The following DNAH8 variants were observed in gnomAD, a reference collection of about 807,000 sequenced individuals.
DNAH8 encodes the protein axonemal beta dynein heavy chain 8.
A neutral mutation model predicts 562.1 loss-of-function variants in DNAH8; 382 were observed. The ratio of observed to expected loss-of-function variants is 0.68; its 90% CI spans 0.63 to 0.74. The LOEUF (loss-of-function observed/expected upper bound fraction) is 0.74. Ranked by LOEUF, DNAH8 falls within the 30% of genes least tolerant of loss-of-function variation. The pLI, the probability that DNAH8 is intolerant of heterozygous loss-of-function variation, is 0.00. For synonymous variants in DNAH8, 1,881 were observed against 1,919.4 expected, an observed-to-expected ratio of 0.98 and a Z score of 0.52; for missense variants, 5,203 against 5,620.4, an observed-to-expected ratio of 0.93 and a Z score of 2.37.
At chr6:38,978,658 G>A (rs956493085) in intron 85 of DNAH8, among the ~76,000 whole-genome samples, 1 of 152,160 alleles carries the variant, frequency 6.6e-6, no homozygotes, top group African/African-American at 2.4e-5. Context: ...GTTAACTCCA[G>A]TTGTCTGGTT....
intron 32 of DNAH8, among the ~76,000 whole-genome samples, chr6:38,836,513 T>A: frequency 4.8e-5 from 5 of 104,710 alleles, no homozygotes; most frequent in Non-Finnish European, 8.2e-5. Flanking sequence ...AAAAAAACCA[T>A]CTCAAAAAAA....
Position 38,973,645 on chromosome 6 carries a change from T to G in DNAH8, c.12526-16T>G. The G allele has an allele frequency of 1.2e-5, 18 of 1,551,124 alleles. No homozygotes were observed. Among genetic ancestry groups the G allele is most frequent in the Non-Finnish European group, 1.5e-5 (17 of 1,154,888 alleles). On this transcript the variant is annotated splice_polypyrimidine_tract_variant and intron_variant, in intron 83 of 92. Transcript: ENST00000327475. ...AAGGTTACAAGAAATAAATATGAAC[T>G]TATTTTTGGATACAGGGTGGTTGGG...
intron 67 of DNAH8, among the ~76,000 whole-genome samples, chr6:38,914,895 T>C (rs1048528570): frequency 2.6e-5 from 4 of 152,174 alleles, no homozygotes; most frequent in African/African-American, 9.7e-5. Flanking sequence ...TATTCTATGA[T>C]ACTTACTTGA....
intron 88 of DNAH8, among the ~76,000 whole-genome samples, chr6:39,003,366 C>G (rs886758343): frequency 6.6e-6 from 1 of 152,196 alleles, no homozygotes; most frequent in East Asian, 1.9e-4. Context: ...TTCTTGACAA[C>G]TGTGATGGGC....
rs751009277 is a variant in DNAH8 at position 38,822,953 on chromosome 6, A to G, written c.3639A>G (p.Leu1213=). 1.9e-6 allele frequency: 3 copies of G among 1,613,692 alleles called. No individual in the cohort carries two copies. The highest frequency in any genetic ancestry group is 8.5e-7 in the Non-Finnish European group (1 of 1,179,842). ...TCCTTTCTTCCTCTGTAAATTCCCTAAGAAAGGCAGCTCATGAGGCCCTGC... is the reference window on the plus strand; with the variant it reads ...TCCTTTCTTCCTCTGTAAATTCCCTGAGAAAGGCAGCTCATGAGGCCCTGC... ...VLLLSSSVNS[L]RKAAHEALQD... is the part of the protein sequence containing the mutation. Residue 1213 remains leucine, a synonymous_variant, in exon 27 of 93, where the codon CTA becomes CTG. Transcript: ENST00000327475.
chr6:38,909,781 C>A (rs1424297321), intron 65 of DNAH8, 37 bp downstream of exon 65: 1 of 1,513,076 alleles, frequency 6.6e-7, no homozygotes, highest in Admixed American at 1.7e-5. Flanking sequence ...GCTATGGAAC[C>A]ACAGCATGTA....
In DNAH8 at chr6:38,991,168, C is replaced by T. The variant is rs540667868; in HGVS notation, c.13214+996C>T. On this transcript the variant is annotated intron_variant, in intron 88 of 92. Coordinates refer to ENST00000327475, the MANE Select transcript of DNAH8 (RefSeq NM_001206927.2). The stretch of plus-strand genomic sequence containing the variant: ...CCGCCTCTGACCACCCTCCTAGCTC[C>T]CTGCATGAGGATGCACTTTTGGCCT... Among the ~76,000 whole-genome samples, 5 of 152,354 alleles carry T rather than the reference C, an allele frequency of 3.3e-5. No homozygotes were observed. The East Asian group carries it at 9.6e-4, about 29-fold the overall frequency.
intron 57 of DNAH8, among the ~76,000 whole-genome samples, chr6:38,889,596 C>G (rs1163406141): frequency 6.6e-6 from 1 of 152,174 alleles, no homozygotes; most frequent in Non-Finnish European, 1.5e-5. Flanking sequence ...AGAAACTGAG[C>G]CTCAGAGAAG....
At chr6:38,840,277 G>A (rs1042791190) in intron 33 of DNAH8, among the ~76,000 whole-genome samples, 1 of 152,154 alleles carries the variant, frequency 6.6e-6, no homozygotes, top group Non-Finnish European at 1.5e-5. Flanking sequence ...ACTGTCATCT[G>A]TTTTGCTTCA....
chr6:38,973,246 T>A (rs1380640856), intron 83 of DNAH8, among the ~76,000 whole-genome samples: 1 of 152,220 alleles, frequency 6.6e-6, no homozygotes, highest in Non-Finnish European at 1.5e-5. Context: ...ATCATGTGTA[T>A]CTTTCTTTGT....
chr6:39,028,314 C>T (rs75441673), intron 92 of DNAH8, among the ~76,000 whole-genome samples: 2,222 of 152,266 alleles, frequency 0.015, 33 homozygotes, highest in South Asian at 0.031. Flanking sequence ...GAGATCTATT[C>T]TCTCATTGCT....
At chr6:38,891,946 C>T (rs921078132) in intron 58 of DNAH8, among the ~76,000 whole-genome samples, 3 of 152,182 alleles carry the variant, frequency 2.0e-5, no homozygotes, top group Non-Finnish European at 4.4e-5. Flanking sequence ...GATCTTGCCA[C>T]ATCTCAAGGT....
chr6:38,808,633 A>G (rs575794750), intron 24 of DNAH8, among the ~76,000 whole-genome samples: 1 of 152,354 alleles, frequency 6.6e-6, no homozygotes, highest in African/African-American at 2.4e-5. Context: ...ATAAAGACAT[A>G]TGCACACGTA....
In DNAH8 at chr6:38,834,028, G is replaced by A. The variant is rs573327349; in HGVS notation, c.4303-551G>A. 5.4e-4 allele frequency among the ~76,000 whole-genome samples: 82 copies of A among 152,160 alleles called. No homozygotes were observed. In the South Asian group the frequency reaches 1.0e-2, roughly 18 times the overall value. On this transcript the variant is annotated intron_variant, in intron 31 of 92. Transcript: ENST00000327475. The stretch of plus-strand genomic sequence containing the variant: ...AGGATTATTTTGCAACTGTGTTCTG[G>A]TTCATAGCCACCAGACACTGCTTTC...
At chr6:38,738,278 T>G (rs934574293) in intron 7 of DNAH8, among the ~76,000 whole-genome samples, 7 of 152,202 alleles carry the variant, frequency 4.6e-5, no homozygotes, top group African/African-American at 1.7e-4. Context: ...GTTGATACTC[T>G]CCATAAAAGA....
intron 61 of DNAH8, among the ~76,000 whole-genome samples, chr6:38,898,662 A>G (rs1053236179): frequency 6.6e-6 from 1 of 152,208 alleles, no homozygotes; most frequent in Non-Finnish European, 1.5e-5. Context: ...GAGAACCTTT[A>G]GAAAGTATGG....
intron 11 of DNAH8, among the ~76,000 whole-genome samples, chr6:38,765,933 T>A (rs372052088): frequency 9.2e-5 from 14 of 152,128 alleles, no homozygotes; most frequent in African/African-American, 3.1e-4. Flanking sequence ...AAAATAGAAC[T>A]ACCATATGAT....
At chr6:39,004,850 G>A (rs1381284330) in intron 88 of DNAH8, among the ~76,000 whole-genome samples, 1 of 152,154 alleles carries the variant, frequency 6.6e-6, no homozygotes, top group Non-Finnish European at 1.5e-5. Context: ...CCATGTTGTA[G>A]CGTATATTAA....
Position 38,783,016 on chromosome 6 carries a change from A to G in DNAH8, c.2272A>G (p.Ile758Val), listed in dbSNP as rs2127642546. 6.2e-7 allele frequency: 1 copy of G among 1,611,296 alleles called. No individual in the cohort carries two copies. Among genetic ancestry groups the G allele is most frequent in the Non-Finnish European group, 8.5e-7 (1 of 1,179,292 alleles). The change falls in exon 17 of 93, where the codon ATT (isoleucine) becomes GTT (valine). Residue 758 changes from isoleucine (I) to valine (V), a missense_variant. Ile to Val is a conservative substitution (Grantham distance 29). This residue lies in a region of DNAH8 where 2,176 missense variants were observed against 2,365.1 expected (regional missense o/e 0.92). Transcript: ENST00000327475. ...CTTAAAAAAACAGAAAAACTCAGAC[A>G]TTTTATCAAGTCCGGACGGTAAAGC... is the stretch of plus-strand genomic sequence containing the variant. ...PINYFFKNSD[I>V]LSSPDGKAVI...
Sources: gnomAD v4.1 joint callset for allele counts (sites outside exome capture counted in the v4.1 genomes callset) on GRCh38, gnomAD v4.1.1 for gene constraint, gnomAD v4.1.1 regional missense constraint, MANE v1.5 for transcripts, NCBI Gene and HGNC (gene_info 2026-07-23, HGNC 2026-07-21) for gene names.